POLR2J: variants seen among roughly 807,000 people sequenced by gnomAD.
The protein encoded by POLR2J is DNA-directed RNA polymerase II subunit RPB11-a.
POLR2J carries 12 observed loss-of-function variants against 13.4 expected under a neutral mutation model. That is an observed-to-expected ratio of 0.90 (90% CI 0.57 to 1.45). POLR2J has a LOEUF of 1.45. POLR2J is among the 40% of genes most tolerant of loss of function. The probability of loss-of-function intolerance (pLI) is 0.00; values close to 1 mark genes in which losing one functional copy is unlikely to be tolerated. For missense variants in POLR2J, 58 were observed against 132.0 expected, an observed-to-expected ratio of 0.44 and a Z score of 2.75; for synonymous variants, 31 against 53.6, an observed-to-expected ratio of 0.58 and a Z score of 1.84.
chr7:102,473,978 G>A, intron 3 of POLR2J: 5 of 1,434,230 alleles, frequency 3.5e-6, no homozygotes, highest in African/African-American at 1.4e-5. Flanking sequence ...AGATTCCCAT[G>A]CGCCCTGCCA....
rs2133279777 is a variant in POLR2J, at chr7:102,473,622, C to T, written c.*27G>A. ...CAGGCACAGGTAGGAACGGGGCTCA[C>T]AGGCCGAGCAGAGCCCCCTCTGGCC... is the stretch of plus-strand genomic sequence containing the variant. On this transcript the variant is annotated 3_prime_UTR_variant, in exon 4 of 4. Transcript: ENST00000292614. 6.2e-7 allele frequency: 1 copy of T among 1,602,488 alleles called. No homozygotes were observed. Among genetic ancestry groups the T allele is most frequent in the African/African-American group, 1.4e-5 (1 of 72,554 alleles).
At chr7:102,475,073 C>T (rs779603651) in intron 2 of POLR2J, among the ~76,000 whole-genome samples, 9,115 of 151,806 alleles carry the variant, frequency 0.06, 178 homozygotes, top group Non-Finnish European at 0.073. Flanking sequence ...CTCAGAGTGG[C>T]GTGAGCACCA....
Position 102,478,849 on chromosome 7 carries a change from A to T in POLR2J, c.12T>A (p.Pro4=). ...AGAGCAAGAACGACTCGAAGGCTGG[A>T]GGGGCGTTCATGCTCCCGCCGCCGT... MNA[P]PAFESFLLFE... is the part of the protein sequence containing the mutation. The change falls in exon 1 of 4, where the codon CCT becomes CCA. Residue 4 remains proline (P), a synonymous_variant. Transcript: ENST00000292614. 2 of 1,610,718 alleles carry T rather than the reference A, an allele frequency of 1.2e-6. No individual in the cohort carries two copies. Among genetic ancestry groups the T allele is most frequent in the Non-Finnish European group, 1.7e-6 (2 of 1,179,720 alleles).
At position 102,473,220 on chromosome 7, in the gene POLR2J, C is replaced by T. The variant is rs554068315; in HGVS notation, c.*429G>A. On this transcript the variant is annotated 3_prime_UTR_variant, in exon 4 of 4. Transcript: ENST00000292614. The stretch of plus-strand genomic sequence containing the variant: ...GCAGGAAGAAGTGTTCCTGCTTTGA[C>T]TGACAGGCAGGCCCAGGAGTTGAGG... 2 of 803,514 alleles carry T rather than the reference C, an allele frequency of 2.5e-6. No homozygotes were observed. The highest frequency in any genetic ancestry group is 3.5e-5 in the African/African-American group (2 of 57,426). The allele number at this position is 803,514 out of a possible 1,614,324, so 49.8% of individuals were successfully genotyped here.
At position 102,474,310 on chromosome 7, in the gene POLR2J, A is replaced by G. The variant is rs749731886; in HGVS notation, c.318+51T>C. ...CCAGGGCTGTCCCAGGCCTGGGCAC[A>G]CGGGCCAGTGTCCAGCCCACCCCGT... On this transcript the variant is annotated intron_variant, in intron 3 of 3. Coordinates refer to ENST00000292614, the MANE Select transcript of POLR2J (RefSeq NM_006234.6). 19 of 1,611,566 alleles carry G rather than the reference A, an allele frequency of 1.2e-5. No individual in the cohort carries two copies. The East Asian group carries it at 2.7e-4, about 23-fold the overall frequency.
chr7:102,473,867 A>C, intron 3 of POLR2J, 183 bp from the exon 4 acceptor site: 8 of 1,442,748 alleles, frequency 5.5e-6, no homozygotes, highest in Non-Finnish European at 6.3e-6. Flanking sequence ...TCTCTATGGC[A>C]GCCCCGGCAG....
Position 102,473,346 on chromosome 7 carries a change from G to GAATGAATT in POLR2J, c.*295_*302dup. 1 of 568,278 alleles carries GAATGAATT rather than the reference G, an allele frequency of 1.8e-6. No homozygotes were observed. Among genetic ancestry groups the GAATGAATT allele is most frequent in the Non-Finnish European group, 3.0e-6 (1 of 330,646 alleles). The allele number at this position is 568,278 out of a possible 1,614,324, so 35.2% of individuals were successfully genotyped here. ...CCCTGGACCCCGGATCTTTGGTCCA[G>GAATGAATT]AATGAATTCATCCCTGCCAGCCGGA... On this transcript the variant is annotated 3_prime_UTR_variant, in exon 4 of 4. Coordinates refer to ENST00000292614, the MANE Select transcript of POLR2J (RefSeq NM_006234.6).
intron 2 of POLR2J, among the ~76,000 whole-genome samples, chr7:102,474,924 G>A (rs528794726): frequency 2.7e-5 from 4 of 150,158 alleles, no homozygotes; most frequent in African/African-American, 7.3e-5. Context: ...GCCAGCTGCC[G>A]GCAGTGAGTG....
Position 102,473,577 on chromosome 7 carries a change from T to TGGTACCTGGAGCGGAGGGTCAGGCACAG in POLR2J, c.*44_*71dup. The TGGTACCTGGAGCGGAGGGTCAGGCACAG allele has an allele frequency of 6.7e-7, 1 of 1,496,168 alleles. No homozygotes were observed. Among genetic ancestry groups the TGGTACCTGGAGCGGAGGGTCAGGCACAG allele is most frequent in the Non-Finnish European group, 8.8e-7 (1 of 1,132,422 alleles). 92.7% of individuals were successfully genotyped at this position (1,496,168 alleles called of 1,614,324 possible). ...CTGGGACCGGCCGCTCTCCTCGGTGTGGTACCTGGAGCGGAGGGTCAGGCA... is the reference window on the plus strand; with the variant it reads ...CTGGGACCGGCCGCTCTCCTCGGTGTGGTACCTGGAGCGGAGGGTCAGGCACAGGGTACCTGGAGCGGAGGGTCAGGCA... On this transcript the variant is annotated 3_prime_UTR_variant, in exon 4 of 4. Transcript: ENST00000292614.
chr7:102,476,405 T>G (rs878898396), intron 1 of POLR2J, 135 bp from the exon 2 acceptor site: 1 of 605,874 alleles, frequency 1.7e-6, no homozygotes. Flanking sequence ...CTGAGGTGGA[T>G]GGATGACCTG....
chr7:102,476,000 T>C (rs1469476647), intron 2 of POLR2J, among the ~76,000 whole-genome samples, 181 bp downstream of exon 2: 1 of 131,160 alleles, frequency 7.6e-6, no homozygotes, highest in East Asian at 2.0e-4. Context: ...GTGTGGCTTA[T>C]GTGAAGACAT....
intron 3 of POLR2J, 106 bp from the exon 4 acceptor site, chr7:102,473,790 C>A (rs1475137983): frequency 1.4e-5 from 21 of 1,545,432 alleles, no homozygotes; most frequent in Non-Finnish European, 1.8e-5. Context: ...GGAGGGCAGC[C>A]ATGGGCCACA....
rs752464126 is a variant in POLR2J, at chr7:102,473,696, G to T, written c.319-12C>A. Reference sequence around the variant, plus strand: ...TCTTTTATGGCCACCTGGGAGAGAAGAAGGTGGTGGAGACTGAGCTGGAAC... The same window carrying T: ...TCTTTTATGGCCACCTGGGAGAGAATAAGGTGGTGGAGACTGAGCTGGAAC... On this transcript the variant is annotated splice_polypyrimidine_tract_variant and intron_variant, in intron 3 of 3. Transcript: ENST00000292614. 2 of 1,613,780 alleles carry T rather than the reference G, an allele frequency of 1.2e-6. No homozygotes were observed. Among genetic ancestry groups the T allele is most frequent in the Non-Finnish European group, 1.7e-6 (2 of 1,179,816 alleles).
Position 102,473,627 on chromosome 7 carries a change from C to G in POLR2J, c.*22G>C. Reference sequence around the variant, plus strand: ...ACAGGTAGGAACGGGGCTCACAGGCCGAGCAGAGCCCCCTCTGGCCCCTAC... The same window carrying G: ...ACAGGTAGGAACGGGGCTCACAGGCGGAGCAGAGCCCCCTCTGGCCCCTAC... On this transcript the variant is annotated 3_prime_UTR_variant, in exon 4 of 4. Transcript: ENST00000292614. 3.1e-6 allele frequency: 5 copies of G among 1,613,528 alleles called. No individual in the cohort carries two copies. Among genetic ancestry groups the G allele is most frequent in the Non-Finnish European group, 4.2e-6 (5 of 1,179,804 alleles).
rs1798280912 is a variant in POLR2J at position 102,473,201 on chromosome 7, A to G, written c.*448T>C. The G allele has an allele frequency of 1.1e-6, 1 of 925,034 alleles. No homozygotes were observed. Among genetic ancestry groups the G allele is most frequent in the Non-Finnish European group, 1.6e-6 (1 of 632,840 alleles). The allele number at this position is 925,034 out of a possible 1,614,324, so 57.3% of individuals were successfully genotyped here. On this transcript the variant is annotated 3_prime_UTR_variant, in exon 4 of 4. Transcript: ENST00000292614. The stretch of plus-strand genomic sequence containing the variant: ...GAAAGGTGTTTCGAGTTATGCAGGA[A>G]GAAGTGTTCCTGCTTTGACTGACAG...
chr7:102,473,523 G>C lies in POLR2J; in HGVS notation c.*126C>G. ...ATGTACAGGACACGTCGGTGTCAGG[G>C]TGAGGGGTGGCCACAAGGCGGGCCA... On this transcript the variant is annotated 3_prime_UTR_variant, in exon 4 of 4. Coordinates refer to ENST00000292614, the MANE Select transcript of POLR2J (RefSeq NM_006234.6). 1 of 1,440,274 alleles carries C rather than the reference G, an allele frequency of 6.9e-7. No homozygotes were observed. Among genetic ancestry groups the C allele is most frequent in the South Asian group, 1.3e-5 (1 of 76,998 alleles). 89.2% of individuals were successfully genotyped at this position (1,440,274 alleles called of 1,614,324 possible).
chr7:102,475,074 G>A lies in POLR2J; in HGVS notation c.144-539C>T, dbSNP rs1475176108. Among the ~76,000 whole-genome samples, 15 of 152,136 alleles carry A rather than the reference G, an allele frequency of 9.9e-5. No individual in the cohort carries two copies. The South Asian group carries it at 2.5e-3, about 25-fold the overall frequency. On this transcript the variant is annotated intron_variant, in intron 2 of 3. Transcript: ENST00000292614. Reference sequence around the variant, plus strand: ...CTCCTCTAGAGCGGCTCAGAGTGGCGTGAGCACCACAAGGGGGACCCGTGC... The same window carrying A: ...CTCCTCTAGAGCGGCTCAGAGTGGCATGAGCACCACAAGGGGGACCCGTGC...
rs930339950 is a variant in POLR2J at position 102,473,828 on chromosome 7, G to C, written c.319-144C>G. On this transcript the variant is annotated intron_variant, in intron 3 of 3. Transcript: ENST00000292614. ...CCCCAGGACAGTGGAGCAGCCAAAG[G>C]GCCCTCCCAGCTGGCCCAATCCAGC... The C allele has an allele frequency of 3.4e-6, 5 of 1,464,232 alleles. No individual in the cohort carries two copies. The African/African-American group carries it at 4.2e-5, about 12-fold the overall frequency. 90.7% of individuals were successfully genotyped at this position (1,464,232 alleles called of 1,614,324 possible). A position where few individuals can be genotyped will look rare whatever the true frequency, so the allele number is the denominator to read the frequency against.
intron 3 of POLR2J, chr7:102,474,024 C>T (rs900091117): frequency 1.1e-5 from 16 of 1,440,628 alleles, no homozygotes; most frequent in Non-Finnish European, 1.5e-5. Context: ...TGAGCTGCCT[C>T]CCAGAGACCT....
Sources: gnomAD v4.1 joint callset for allele counts (sites outside exome capture counted in the v4.1 genomes callset) on GRCh38, gnomAD v4.1.1 for gene constraint, MANE v1.5 for transcripts, NCBI Gene and HGNC (gene_info 2026-07-23, HGNC 2026-07-21) for gene names.